ANKS1B: variants seen among roughly 807,000 people sequenced by gnomAD.
ANKS1B encodes the protein ankyrin repeat and sterile alpha motif domain-containing protein 1B.
In ANKS1B, 36 loss-of-function variants were observed where a neutral mutation model predicts 148.3. The observed-to-expected ratio is 0.24, with a 90% CI of 0.19 to 0.32. The LOEUF (loss-of-function observed/expected upper bound fraction) is 0.32. ANKS1B is among the 10% of genes least tolerant of loss of function. The probability of loss-of-function intolerance (pLI) is 1.00; values close to 1 mark genes in which losing one functional copy is unlikely to be tolerated. For synonymous variants in ANKS1B, 542 were observed against 560.8 expected (o/e 0.97, Z 0.47); for missense variants, 1,157 against 1,542.6 (o/e 0.75, Z 4.19).
At chr12:99,934,270 G>A (rs566738680) in intron 1 of ANKS1B, among the ~76,000 whole-genome samples, 1 of 152,166 alleles carries the variant, frequency 6.6e-6, no homozygotes, top group Non-Finnish European at 1.5e-5. Context: ...TGGTATCAAG[G>A]TAATACTGAC....
intron 17 of ANKS1B, among the ~76,000 whole-genome samples, chr12:98,913,178 C>T (rs1443128982): frequency 6.6e-6 from 1 of 152,132 alleles, no homozygotes; most frequent in African/African-American, 2.4e-5. Flanking sequence ...TTAGGGTCTC[C>T]AATTTTCTCA....
At chr12:99,868,459 A>G (rs912269813) in intron 1 of ANKS1B, among the ~76,000 whole-genome samples, 1 of 152,216 alleles carries the variant, frequency 6.6e-6, no homozygotes, top group Non-Finnish European at 1.5e-5. Flanking sequence ...GTTCTTCAAC[A>G]ATTTATTGGA....
intron 1 of ANKS1B, among the ~76,000 whole-genome samples, chr12:99,838,517 T>C (rs2085204563): frequency 6.6e-6 from 1 of 152,304 alleles, no homozygotes; most frequent in African/African-American, 2.4e-5. Context: ...TCTTACTGAT[T>C]TGAAGAAGCC....
downstream of ANKS1B, among the ~76,000 whole-genome samples, chr12:98,739,923 T>G (rs1265178187): frequency 6.6e-6 from 1 of 152,160 alleles, no homozygotes; most frequent in East Asian, 1.9e-4. Context: ...CACCCTCCTC[T>G]ACCACCTCCT....
At chr12:99,236,492 A>G (rs2087965302) in intron 14 of ANKS1B, among the ~76,000 whole-genome samples, 1 of 152,188 alleles carries the variant, frequency 6.6e-6, no homozygotes, top group Non-Finnish European at 1.5e-5. Context: ...TAAGACCATC[A>G]GGTCTCGTGA....
At chr12:99,271,200 G>T (rs1165765459) in intron 12 of ANKS1B, among the ~76,000 whole-genome samples, 3 of 152,078 alleles carry the variant, frequency 2.0e-5, no homozygotes, top group Non-Finnish European at 4.4e-5. Context: ...TTTTAGTTCA[G>T]TTATCTCCTG....
intron 10 of ANKS1B, among the ~76,000 whole-genome samples, chr12:99,485,823 AC>A (rs374176942): frequency 6.6e-6 from 1 of 152,004 alleles, no homozygotes; most frequent in African/African-American, 2.4e-5. Flanking sequence ...TATTGTTAAA[AC>A]TTTCCACTGC....
intron 14 of ANKS1B, among the ~76,000 whole-genome samples, chr12:99,189,544 T>C (rs896030208): frequency 2.0e-5 from 3 of 152,062 alleles, no homozygotes; most frequent in Admixed American, 1.3e-4. Context: ...TCAATATATA[T>C]ACAAATCAAT....
intron 12 of ANKS1B, among the ~76,000 whole-genome samples, chr12:99,263,653 G>T (rs2076150787): frequency 6.6e-6 from 1 of 152,058 alleles, no homozygotes; most frequent in Non-Finnish European, 1.5e-5. Context: ...GATCATGGGG[G>T]TGGTTTCCCC....
At chr12:99,304,108 C>A (rs1208784914) in intron 12 of ANKS1B, among the ~76,000 whole-genome samples, 3 of 151,440 alleles carry the variant, frequency 2.0e-5, no homozygotes, top group Non-Finnish European at 4.4e-5. Flanking sequence ...ATAATGACTT[C>A]TTTTTCACTA....
At chr12:99,263,641 T>G (rs1272167657) in intron 12 of ANKS1B, among the ~76,000 whole-genome samples, 1 of 152,106 alleles carries the variant, frequency 6.6e-6, no homozygotes, top group Non-Finnish European at 1.5e-5. Flanking sequence ...CCCACTTGAT[T>G]GGATCATGGG....
In ANKS1B at chr12:99,429,971, AT is replaced by A. The variant is rs1804990422; in HGVS notation, c.1575+13701del. 2.0e-5 allele frequency among the ~76,000 whole-genome samples: 3 copies of A among 151,978 alleles called. No individual in the cohort carries two copies. The South Asian group carries it at 6.2e-4, about 32-fold the overall frequency. On this transcript the variant is annotated intron_variant, in intron 11 of 26. Coordinates refer to ENST00000683438, the MANE Select transcript of ANKS1B (RefSeq NM_001352186.2). ...AGAGCAAGACTCCGTCTCAAAAAAA[AT>A]AAAAAATAAAAATAAAAAATAACAC...
intron 1 of ANKS1B, among the ~76,000 whole-genome samples, chr12:99,882,525 G>A (rs943231147): frequency 6.6e-5 from 10 of 152,264 alleles, no homozygotes; most frequent in African/African-American, 2.2e-4. Context: ...GAAAAATGAT[G>A]CATTACTTAC....
intron 10 of ANKS1B, among the ~76,000 whole-genome samples, chr12:99,485,134 G>T (rs1008956114): frequency 4.0e-5 from 6 of 151,730 alleles, no homozygotes; most frequent in South Asian, 4.2e-4. Context: ...CTTTCCAAAG[G>T]TTCGATTTTG....
At chr12:99,911,307 C>T (rs573332558) in intron 1 of ANKS1B, among the ~76,000 whole-genome samples, 1 of 152,270 alleles carries the variant, frequency 6.6e-6, no homozygotes, top group African/African-American at 2.4e-5. Context: ...AGCTGAAACC[C>T]AGACCGCAGT....
chr12:99,815,265 G>GA (rs1311722156), intron 2 of ANKS1B, among the ~76,000 whole-genome samples: 6 of 151,594 alleles, frequency 4.0e-5, no homozygotes, highest in Non-Finnish European at 1.5e-5. Context: ...TATGACAAGT[G>GA]AAAAAACGTC....
At chr12:99,046,877 C>T (rs779098621) in intron 17 of ANKS1B, among the ~76,000 whole-genome samples, 9 of 150,198 alleles carry the variant, frequency 6.0e-5, no homozygotes, top group Non-Finnish European at 1.2e-4. Flanking sequence ...CTATAATGTC[C>T]GAGATAAAAA....
At chr12:98,755,339 C>T (rs2098210467) in intron 25 of ANKS1B, among the ~76,000 whole-genome samples, 1 of 152,194 alleles carries the variant, frequency 6.6e-6, no homozygotes, top group Non-Finnish European at 1.5e-5. Flanking sequence ...GCCCATCTTG[C>T]AAACCTCAAT....
intron 12 of ANKS1B, among the ~76,000 whole-genome samples, chr12:99,319,753 T>G (rs2084878014): frequency 6.6e-6 from 1 of 152,170 alleles, no homozygotes; most frequent in African/African-American, 2.4e-5. Flanking sequence ...AGTTGTTAGT[T>G]TGTTTGTTAG....
Sources: allele counts gnomAD v4.1 joint callset (sites outside exome capture counted in the v4.1 genomes callset), GRCh38; gene constraint gnomAD v4.1.1; transcripts MANE v1.5; gene names NCBI Gene and HGNC (gene_info 2026-07-23, HGNC 2026-07-21).